TNRC18: variants seen among roughly 807,000 people sequenced by gnomAD.
TNRC18 encodes trinucleotide repeat-containing gene 18 protein.
In TNRC18, 69 loss-of-function variants were observed where a neutral mutation model predicts 226.7. The observed-to-expected ratio is 0.30, with a 90% CI of 0.25 to 0.37. The LOEUF (loss-of-function observed/expected upper bound fraction) is 0.37, where lower values mean the gene tolerates loss of function less well. TNRC18 is among the 10% of genes least tolerant of loss of function. The pLI is 1.00. For missense variants in TNRC18, 4,754 were observed against 4,256.6 expected (o/e 1.12, Z -3.25); for synonymous variants, 2,449 against 1,927.6 (o/e 1.27, Z -7.09).
rs1782693880 is a variant in TNRC18 at position 5,423,467 on chromosome 7, G to A, written c.-270C>T. On this transcript the variant is annotated 5_prime_UTR_variant, in exon 1 of 30. Transcript: ENST00000430969. ...TGGCGCGGCTGGGTTCACGGCTCCA[G>A]GCTCCGGCGACAACGACTCCGGCGG... is the stretch of plus-strand genomic sequence containing the variant. The A allele has an allele frequency of 6.6e-6, 1 of 152,150 alleles. No individual in the cohort carries two copies. The highest frequency in any genetic ancestry group is 1.5e-5 in the Non-Finnish European group (1 of 68,024). The allele number at this position is 152,150 out of a possible 1,614,324, so 9.4% of individuals were successfully genotyped here. A position where few individuals can be genotyped will look rare whatever the true frequency, so the allele number is the denominator to read the frequency against.
intron 15 of TNRC18, among the ~76,000 whole-genome samples, chr7:5,357,798 ACT>A (rs1163134734): frequency 2.0e-5 from 3 of 152,022 alleles, no homozygotes; most frequent in Admixed American, 2.0e-4. Context: ...TCAATGTGTA[ACT>A]CTGTAAAATG....
At position 5,312,238 on chromosome 7, in the gene TNRC18, G is replaced by T. The variant is rs1787299448; in HGVS notation, c.8388+265C>A. 6.6e-6 allele frequency among the ~76,000 whole-genome samples: 1 copy of T among 152,234 alleles called. No homozygotes were observed. Among genetic ancestry groups the T allele is most frequent in the South Asian group, 2.1e-4 (1 of 4,836 alleles). ...GATCTTTGCACGTTTCCTTCATCTGGGCTCCACGAGGGTGGCTCTGCGTCC... is the reference window on the plus strand; with the variant it reads ...GATCTTTGCACGTTTCCTTCATCTGTGCTCCACGAGGGTGGCTCTGCGTCC... On this transcript the variant is annotated intron_variant, in intron 27 of 29. Coordinates refer to ENST00000430969, the MANE Select transcript of TNRC18 (RefSeq NM_001080495.3). This position sits in a 1 kb window ranked among gnomAD's most constrained non-coding sequence, Gnocchi z 6.3.
At chr7:5,346,317 G>C (rs570958120) in intron 17 of TNRC18, among the ~76,000 whole-genome samples, 8 of 152,314 alleles carry the variant, frequency 5.3e-5, no homozygotes, top group Admixed American at 2.0e-4. Flanking sequence ...GGCGGCAGGA[G>C]AAAGTGGAGT....
Position 5,371,211 on chromosome 7 carries a change from G to C in TNRC18, c.3383C>G (p.Pro1128Arg). ...ADGPERLALS[P>R]EDKPIRLSPS... ...GGACAAGCGGATGGGCTTGTCTTCG[G>C]GTGAGAGTGCCAGGCGCTCGGGCCC... is the stretch of plus-strand genomic sequence containing the variant. The change falls in exon 11 of 30, where the codon CCC becomes CGC. Residue 1128 changes from proline (P) to arginine (R), a missense_variant. Pro to Arg is a moderately radical substitution (Grantham distance 103, BLOSUM62 -2). Coordinates refer to ENST00000430969, the MANE Select transcript of TNRC18 (RefSeq NM_001080495.3). 1.9e-6 allele frequency: 3 copies of C among 1,605,528 alleles called. No homozygotes were observed. Among genetic ancestry groups the C allele is most frequent in the South Asian group, 1.1e-5 (1 of 90,778 alleles).
chr7:5,403,317 C>T (rs1379439002), intron 2 of TNRC18, among the ~76,000 whole-genome samples: 1 of 152,064 alleles, frequency 6.6e-6, no homozygotes, highest in Non-Finnish European at 1.5e-5. Flanking sequence ...TGCACCACCA[C>T]GCCCAGCTAA....
intron 16 of TNRC18, among the ~76,000 whole-genome samples, chr7:5,353,279 G>A (rs1248985358): frequency 2.6e-5 from 4 of 152,222 alleles, no homozygotes; most frequent in East Asian, 1.9e-4. Flanking sequence ...GCTTGCATCT[G>A]TAATCCTACC....
At chr7:5,331,085 G>C (rs1209827851) in intron 19 of TNRC18, among the ~76,000 whole-genome samples, 1 of 152,172 alleles carries the variant, frequency 6.6e-6, no homozygotes, top group Non-Finnish European at 1.5e-5. Flanking sequence ...AGGTGCCTAT[G>C]GATGGTGCTT....
At chr7:5,361,786 C>T in intron 13 of TNRC18, 64 bp from the exon 14 acceptor site, 1 of 1,537,684 alleles carries the variant, frequency 6.5e-7, no homozygotes. Flanking sequence ...AGAACGGGCA[C>T]ACGATGCACA....
Position 5,386,275 on chromosome 7 carries a change from G to A in TNRC18, c.2152+1397C>T, listed in dbSNP as rs200976474. Reference sequence around the variant, plus strand: ...TGCACTCCAGCCTGGGTGACAGAGCGAGACTCCATCTCAAAAAACAACAAA... The same window carrying A: ...TGCACTCCAGCCTGGGTGACAGAGCAAGACTCCATCTCAAAAAACAACAAA... On this transcript the variant is annotated intron_variant, in intron 5 of 29. Transcript: ENST00000430969. Among the ~76,000 whole-genome samples, 94 of 148,160 alleles carry A rather than the reference G, an allele frequency of 6.3e-4. 1 individual carries two copies. In the East Asian group the frequency reaches 7.9e-3, roughly 13 times the overall value.
At chr7:5,406,381 G>A (rs1202273082) in intron 2 of TNRC18, among the ~76,000 whole-genome samples, 1 of 152,182 alleles carries the variant, frequency 6.6e-6, no homozygotes, top group African/African-American at 2.4e-5. Flanking sequence ...AGGACTGCTT[G>A]AACCCAAAAG....
In TNRC18 at chr7:5,307,396, G is replaced by A. The variant is rs956530103; in HGVS notation, c.*710C>T. 5 of 295,178 alleles carry A rather than the reference G, an allele frequency of 1.7e-5. No individual in the cohort carries two copies. Among genetic ancestry groups the A allele is most frequent in the South Asian group, 1.0e-4 (4 of 39,286 alleles). 18.3% of individuals were successfully genotyped at this position (295,178 alleles called of 1,614,324 possible). A position where few individuals can be genotyped will look rare whatever the true frequency, so the allele number is the denominator to read the frequency against. On this transcript the variant is annotated 3_prime_UTR_variant, in exon 30 of 30. Coordinates refer to ENST00000430969, the MANE Select transcript of TNRC18 (RefSeq NM_001080495.3). The stretch of plus-strand genomic sequence containing the variant: ...AAGAAGTGCCACCTCCCTCCTGGGT[G>A]GGGAGGGGCCAGGCGTGGCCGGGCG...
Position 5,388,474 on chromosome 7 carries a change from T to C in TNRC18, c.1350A>G (p.Thr450=). ...PPADAPTVRA[T]RASPDPRAYV... is the part of the protein sequence containing the mutation. ...AGGCGCGGGGGTCCGGGGAGGCGCG[T>C]GTGGCCCGCACCGTGGGGGCATCCG... is the stretch of plus-strand genomic sequence containing the variant. Residue 450 remains threonine, a synonymous_variant, in exon 5 of 30, where the codon ACA becomes ACG. Coordinates refer to ENST00000430969, the MANE Select transcript of TNRC18 (RefSeq NM_001080495.3). 1 of 1,418,112 alleles carries C rather than the reference T, an allele frequency of 7.1e-7. No homozygotes were observed. The highest frequency in any genetic ancestry group is 9.1e-7 in the Non-Finnish European group (1 of 1,097,898). The allele number at this position is 1,418,112 out of a possible 1,614,324, so 87.8% of individuals were successfully genotyped here.
Position 5,356,913 on chromosome 7 carries a change from T to A in TNRC18, c.5194+3A>T. 1 of 1,537,530 alleles carries A rather than the reference T, an allele frequency of 6.5e-7. No individual in the cohort carries two copies. The highest frequency in any genetic ancestry group is 8.8e-7 in the Non-Finnish European group (1 of 1,139,570). On this transcript the variant is annotated splice_donor_region_variant and intron_variant, in intron 16 of 29. Coordinates refer to ENST00000430969, the MANE Select transcript of TNRC18 (RefSeq NM_001080495.3). The stretch of plus-strand genomic sequence containing the variant: ...CAGAGGTGGCGCGGCATACGCTACT[T>A]ACTGTAAGAGTAGCTGCTCACTTCC...
chr7:5,353,307 C>A (rs553297402), intron 16 of TNRC18, among the ~76,000 whole-genome samples: 1 of 152,236 alleles, frequency 6.6e-6, no homozygotes, highest in East Asian at 1.9e-4. Flanking sequence ...GAGGCTGAGG[C>A]GGGCAGCTCA....
chr7:5,367,562 G>A (rs960306916), intron 11 of TNRC18, among the ~76,000 whole-genome samples: 5 of 151,176 alleles, frequency 3.3e-5, no homozygotes, highest in African/African-American at 4.9e-5. Flanking sequence ...CGAGTAGCTG[G>A]GATTACAGGT....
intron 2 of TNRC18, among the ~76,000 whole-genome samples, chr7:5,401,230 G>T (rs534774371): frequency 8.8e-5 from 13 of 147,376 alleles, no homozygotes; most frequent in Non-Finnish European, 1.4e-4. Flanking sequence ...TTCGAGTCGG[G>T]GGGGGGCGGG....
intron 5 of TNRC18, among the ~76,000 whole-genome samples, chr7:5,385,982 C>CAAAAAA (rs1160231238): frequency 3.1e-4 from 13 of 41,520 alleles, no homozygotes; most frequent in African/African-American, 8.1e-4. Context: ...AAGTCTGTCT[C>CAAAAAA]AAAAAAAAAA....
intron 2 of TNRC18, among the ~76,000 whole-genome samples, chr7:5,405,389 T>A (rs1195855069): frequency 6.6e-6 from 1 of 151,644 alleles, no homozygotes. Context: ...GCCAACATGG[T>A]AAAACCCTGT....
At chr7:5,341,667 G>A (rs1391024433) in intron 18 of TNRC18, among the ~76,000 whole-genome samples, 5 of 150,680 alleles carry the variant, frequency 3.3e-5, no homozygotes, top group Non-Finnish European at 7.4e-5. Flanking sequence ...GGGAGGCTGA[G>A]GCAGAAAAAT....
Sources: gnomAD v4.1 joint callset for allele counts (sites outside exome capture counted in the v4.1 genomes callset) on GRCh38, gnomAD v4.1.1 for gene constraint, Gnocchi (gnomAD v3.1) non-coding constraint, MANE v1.5 for transcripts, NCBI Gene and HGNC (gene_info 2026-07-23, HGNC 2026-07-21) for gene names.